STAC3: variants seen among roughly 807,000 people sequenced by gnomAD.
STAC3 encodes SH3 and cysteine-rich domain-containing protein 3.
Under a neutral mutation model 48.5 loss-of-function variants are expected in STAC3, and 30 were observed. That is an observed-to-expected ratio of 0.62 (90% CI 0.46 to 0.84). The LOEUF (loss-of-function observed/expected upper bound fraction) is 0.84, where lower values mean the gene tolerates loss of function less well. Among genes scored for constraint, STAC3 ranks in the 40% least tolerant of loss-of-function variants. The probability of loss-of-function intolerance (pLI) is 0.00; values close to 1 mark genes in which losing one functional copy is unlikely to be tolerated. For missense variants in STAC3, 419 were observed against 462.6 expected (o/e 0.91, Z 0.86); for synonymous variants, 144 against 158.6 (o/e 0.91, Z 0.69).
At chr12:57,248,605 C>A (rs2037820252) in intron 4 of STAC3, 101 bp downstream of exon 4, 3 of 882,550 alleles carry the variant, frequency 3.4e-6, no homozygotes, top group Admixed American at 1.8e-5. Flanking sequence ...GATCTCCTGA[C>A]CTCGTGATCC....
rs760545125 is a variant in STAC3, at chr12:57,249,617, A to G, written c.20T>C (p.Leu7Pro). 6.2e-7 allele frequency: 1 copy of G among 1,614,088 alleles called. No individual in the cohort carries two copies. Among genetic ancestry groups the G allele is most frequent in the South Asian group, 1.1e-5 (1 of 91,076 alleles). The change falls in exon 2 of 12, where the codon CTG becomes CCG. Residue 7 changes from leucine to proline, a missense_variant. Leu to Pro is a moderately conservative substitution (Grantham distance 98). Transcript: ENST00000332782. ...TGGGAAGGAGGGCTTAGGGGACTCC[A>G]GCACCTCCTTTTCTGTCATCCTGCA... MTEKEVLESPKPSFPAE... is the reference protein window; with the variant it reads MTEKEVPESPKPSFPAE...
Position 57,245,128 on chromosome 12 carries a change from A to G in STAC3, c.670+17T>C, listed in dbSNP as rs1200653786. 1.2e-6 allele frequency: 2 copies of G among 1,613,256 alleles called. No homozygotes were observed. The highest frequency in any genetic ancestry group is 2.2e-5 in the South Asian group (2 of 91,044). ...CTGATCCTACTCCATCTCTGGATGG[A>G]GGTGGGTAACACTCACCATCCTGGG... is the stretch of plus-strand genomic sequence containing the variant. On this transcript the variant is annotated intron_variant, in intron 7 of 11. Transcript: ENST00000332782.
intron 4 of STAC3, 109 bp downstream of exon 4, chr12:57,248,597 T>A (rs2037820154): frequency 1.2e-6 from 1 of 815,414 alleles, no homozygotes. Flanking sequence ...ATGGTCTCGA[T>A]CTCCTGACCT....
At chr12:57,248,900 C>T in intron 3 of STAC3, 97 bp from the exon 4 acceptor site, 3 of 1,526,098 alleles carry the variant, frequency 2.0e-6, no homozygotes, top group South Asian at 1.2e-5. Context: ...TGTCTGGGAC[C>T]CTACTTGCTC....
At position 57,249,026 on chromosome 12, in the gene STAC3, C is replaced by T. The variant is rs765179991; in HGVS notation, c.334+15G>A. ...CTTCAATATCATACTCTCTTCACTTCCCTTCATGACTCACGAACAATCATC... is the reference window on the plus strand; with the variant it reads ...CTTCAATATCATACTCTCTTCACTTTCCTTCATGACTCACGAACAATCATC... On this transcript the variant is annotated intron_variant, in intron 3 of 11. Coordinates refer to ENST00000332782, the MANE Select transcript of STAC3 (RefSeq NM_145064.3). The T allele has an allele frequency of 1.9e-6, 3 of 1,576,150 alleles. No homozygotes were observed. Among genetic ancestry groups the T allele is most frequent in the East Asian group, 4.5e-5 (2 of 44,594 alleles).
At chr12:57,248,933 C>T (rs770349496) in intron 3 of STAC3, 108 bp downstream of exon 3, 38 of 1,546,544 alleles carry the variant, frequency 2.5e-5, no homozygotes, top group Non-Finnish European at 3.2e-5. Flanking sequence ...CATTGCCTTA[C>T]ACCAACTCTA....
chr12:57,243,982 G>A, intron 11 of STAC3, 72 bp from the exon 12 acceptor site: 2 of 1,605,142 alleles, frequency 1.2e-6, no homozygotes, highest in Non-Finnish European at 1.7e-6. Context: ...AGGGGAGCCG[G>A]GGTTTACAGG....
chr12:57,251,092 G>T lies in STAC3; in HGVS notation c.-101C>A, dbSNP rs2037893902. ...GGAAAAACTGGTCCTCTTCCTTGGG[G>T]GCTAAGCCCCCCCAGTACCCCCTGT... is the stretch of plus-strand genomic sequence containing the variant. On this transcript the variant is annotated 5_prime_UTR_variant, in exon 1 of 12. Coordinates refer to ENST00000332782, the MANE Select transcript of STAC3 (RefSeq NM_145064.3). 4.5e-6 allele frequency: 2 copies of T among 448,688 alleles called. No individual in the cohort carries two copies. The highest frequency in any genetic ancestry group is 3.1e-5 in the South Asian group (2 of 64,094). The allele number at this position is 448,688 out of a possible 1,614,324, so 27.8% of individuals were successfully genotyped here.
chr12:57,246,794 C>T lies in STAC3; in HGVS notation c.603+10G>A, dbSNP rs988040333. 1 of 1,612,536 alleles carries T rather than the reference C, an allele frequency of 6.2e-7. No individual in the cohort carries two copies. Among genetic ancestry groups the T allele is most frequent in the African/African-American group, 1.3e-5 (1 of 74,998 alleles). On this transcript the variant is annotated intron_variant, in intron 6 of 11. Coordinates refer to ENST00000332782, the MANE Select transcript of STAC3 (RefSeq NM_145064.3). ...CTGGGAGGGACCTCGTGGGGAGGTACAGTGCTCACATTTTTCTTATCTGCC... is the reference window on the plus strand; with the variant it reads ...CTGGGAGGGACCTCGTGGGGAGGTATAGTGCTCACATTTTTCTTATCTGCC...
intron 6 of STAC3, among the ~76,000 whole-genome samples, chr12:57,246,001 C>T (rs1256627787): frequency 2.0e-5 from 3 of 149,516 alleles, no homozygotes; most frequent in South Asian, 2.1e-4. Context: ...CCCAGCTACT[C>T]GGGAGGCTGA....
chr12:57,245,711 C>G (rs2037723832), intron 6 of STAC3, among the ~76,000 whole-genome samples: 1 of 151,936 alleles, frequency 6.6e-6, no homozygotes, highest in African/African-American at 2.4e-5. Flanking sequence ...GGTGGGTCAC[C>G]CACATTCTGC....
At chr12:57,246,339 T>G (rs2037739021) in intron 6 of STAC3, among the ~76,000 whole-genome samples, 1 of 151,848 alleles carries the variant, frequency 6.6e-6, no homozygotes, top group East Asian at 1.9e-4. Context: ...TGATCAGATA[T>G]GTACATTTAT....
intron 6 of STAC3, among the ~76,000 whole-genome samples, chr12:57,245,845 T>C (rs1263701113): frequency 2.6e-5 from 4 of 151,954 alleles, no homozygotes; most frequent in Non-Finnish European, 5.9e-5. Context: ...CGCGGTGGCT[T>C]ATGCTTGTAA....
At chr12:57,247,428 AT>A (rs367784960) in intron 5 of STAC3, among the ~76,000 whole-genome samples, 65 of 58,560 alleles carry the variant, frequency 1.1e-3, no homozygotes, top group East Asian at 3.3e-3. Context: ...TATTATTATT[AT>A]TTTTTTTTTT....
Position 57,244,631 on chromosome 12 carries a change from G to A in STAC3, c.721-9C>T. On this transcript the variant is annotated splice_polypyrimidine_tract_variant and intron_variant, in intron 8 of 11. Coordinates refer to ENST00000332782, the MANE Select transcript of STAC3 (RefSeq NM_145064.3). The stretch of plus-strand genomic sequence containing the variant: ...AAGCCAGGCTGCTTGTGCTGGGGGT[G>A]CAAGGGAATGATGAGTCTTAGGGCT... 6.2e-7 allele frequency: 1 copy of A among 1,614,170 alleles called. No homozygotes were observed. The highest frequency in any genetic ancestry group is 8.5e-7 in the Non-Finnish European group (1 of 1,180,016).
chr12:57,248,847 C>CT, intron 3 of STAC3, 44 bp from the exon 4 acceptor site: 1 of 1,576,056 alleles, frequency 6.3e-7, no homozygotes, highest in South Asian at 1.1e-5. Context: ...CCAGATTGCC[C>CT]TTTCCCTTTG....
Position 57,249,551 on chromosome 12 carries a change from G to A in STAC3, c.66+20C>T, listed in dbSNP as rs1565783736. 1.2e-6 allele frequency: 2 copies of A among 1,613,580 alleles called. No homozygotes were observed. The highest frequency in any genetic ancestry group is 2.2e-5 in the South Asian group (2 of 91,050). Reference sequence around the variant, plus strand: ...GGCTTCCCAGCCCCCCACACCCAGTGGTCAGAGGCCCAGACTCACCCCACT... The same window carrying A: ...GGCTTCCCAGCCCCCCACACCCAGTAGTCAGAGGCCCAGACTCACCCCACT... On this transcript the variant is annotated intron_variant, in intron 2 of 11. Coordinates refer to ENST00000332782, the MANE Select transcript of STAC3 (RefSeq NM_145064.3).
intron 3 of STAC3, 50 bp from the exon 4 acceptor site, chr12:57,248,853 C>T: frequency 6.5e-7 from 1 of 1,546,850 alleles, no homozygotes; most frequent in Non-Finnish European, 8.9e-7. Context: ...TGCCCTTTCC[C>T]TTTGTACCAC....
rs777091005 is a variant in STAC3, at chr12:57,249,575, C to G, written c.62G>C (p.Ser21Thr). The G allele has an allele frequency of 2.5e-6, 4 of 1,614,096 alleles. No homozygotes were observed. Among genetic ancestry groups the G allele is most frequent in the Admixed American group, 1.7e-5 (1 of 60,018 alleles). The part of the protein sequence containing the change: ...KPSFPAETRQ[S>T]GLQRLKQLLR... ...TGGTCAGAGGCCCAGACTCACCCCA[C>G]TTTGCCGAGTCTCTGCTGGGAAGGA... The change falls in exon 2 of 12, where the codon AGT becomes ACT. Residue 21 changes from serine to threonine, a missense_variant. By Grantham distance (58) the Ser-to-Thr change is moderately conservative. Transcript: ENST00000332782.
Sources: allele counts gnomAD v4.1 joint callset (sites outside exome capture counted in the v4.1 genomes callset), GRCh38; gene constraint gnomAD v4.1.1; transcripts MANE v1.5; gene names NCBI Gene and HGNC (gene_info 2026-07-23, HGNC 2026-07-21).